Variants in PCDH15 observed in about 807,000 individuals in gnomAD.
PCDH15 encodes the protein protocadherin-15.
A neutral mutation model predicts 178.5 loss-of-function variants in PCDH15; 129 were observed. The ratio of observed to expected loss-of-function variants is 0.72; its 90% confidence interval spans 0.63 to 0.84. The LOEUF (loss-of-function observed/expected upper bound fraction) is 0.84, where lower values mean the gene tolerates loss of function less well. PCDH15 is among the 40% of genes least tolerant of loss of function. The pLI is 0.00. For missense variants in PCDH15, 2,230 were observed against 2,099.9 expected (o/e 1.06, Z -1.21); for synonymous variants, 800 against 732.0 (o/e 1.09, Z -1.50).
intron 2 of PCDH15, among the ~76,000 whole-genome samples, chr10:54,622,649 A>G (rs2093405852): frequency 1.0e-5 from 1 of 97,776 alleles, no homozygotes; most frequent in African/African-American, 4.5e-5. Flanking sequence ...ATAATTATAT[A>G]TATACTATAT....
chr10:54,814,152 C>T (rs1952912177), intron 3 of PCDH15, among the ~76,000 whole-genome samples: 1 of 152,118 alleles, frequency 6.6e-6, no homozygotes, highest in Non-Finnish European at 1.5e-5. Context: ...TATGTGTCAC[C>T]ATAACATTGT....
At chr10:54,145,090 CT>C (rs1341035092) in intron 14 of PCDH15, among the ~76,000 whole-genome samples, 5 of 152,012 alleles carry the variant, frequency 3.3e-5, no homozygotes, top group African/African-American at 1.2e-4. Flanking sequence ...GTGAATCAAA[CT>C]TCATCTATAA....
chr10:54,824,872 T>G (rs898764366), intron 3 of PCDH15, among the ~76,000 whole-genome samples: 1 of 152,242 alleles, frequency 6.6e-6, no homozygotes, highest in South Asian at 2.1e-4. Flanking sequence ...CTACTTCTTT[T>G]ATTTTTTATT....
At chr10:54,037,441 C>T (rs758652310) in intron 18 of PCDH15, among the ~76,000 whole-genome samples, 23 of 151,884 alleles carry the variant, frequency 1.5e-4, no homozygotes, top group Non-Finnish European at 2.8e-4. Context: ...TGAGACAAGA[C>T]CCTCTATCTG....
At position 54,114,604 on chromosome 10, in the gene PCDH15, A is replaced by G. The variant is rs529427991; in HGVS notation, c.1917+18271T>C. Among the ~76,000 whole-genome samples the G allele has an allele frequency of 5.3e-5, 8 of 152,332 alleles. No homozygotes were observed. The East Asian group carries it at 7.7e-4, about 15-fold the overall frequency. ...TATAACACAAAATAAGCACAAGTGC[A>G]TATAGGATTACAGCAAAGAGGATAA... On this transcript the variant is annotated intron_variant, in intron 15 of 37. Transcript: ENST00000644397.
chr10:54,682,667 C>T (rs897356172), intron 1 of PCDH15, among the ~76,000 whole-genome samples: 10 of 151,978 alleles, frequency 6.6e-5, no homozygotes, highest in African/African-American at 2.4e-4. Flanking sequence ...CTCAGAGAGC[C>T]CTTTATTTAT....
At chr10:55,178,780 C>T (rs1190629426) in intron 1 of PCDH15, among the ~76,000 whole-genome samples, 2 of 152,102 alleles carry the variant, frequency 1.3e-5, no homozygotes, top group Non-Finnish European at 2.9e-5. Flanking sequence ...CCTATGATTG[C>T]TGTTCTCACC....
intron 1 of PCDH15, among the ~76,000 whole-genome samples, chr10:54,689,804 T>C (rs968434576): frequency 2.6e-5 from 4 of 152,154 alleles, no homozygotes; most frequent in African/African-American, 9.7e-5. Flanking sequence ...GTGTGCTCTA[T>C]AAGACAAGTA....
chr10:54,245,569 A>G (rs2055839573), intron 8 of PCDH15, among the ~76,000 whole-genome samples: 1 of 152,148 alleles, frequency 6.6e-6, no homozygotes, highest in Non-Finnish European at 1.5e-5. Flanking sequence ...TGAGAAAAAC[A>G]CATGTATTAG....
intron 14 of PCDH15, among the ~76,000 whole-genome samples, chr10:54,149,784 T>C (rs1427824266): frequency 6.6e-6 from 1 of 152,134 alleles, no homozygotes; most frequent in Non-Finnish European, 1.5e-5. Flanking sequence ...ACAGGAAGAC[T>C]TGTAATTGGA....
chr10:55,404,387 C>T (rs1302256809), intron 2 of PCDH15, among the ~76,000 whole-genome samples: 1 of 152,018 alleles, frequency 6.6e-6, no homozygotes, highest in African/African-American at 2.4e-5. Flanking sequence ...CCTGTGACAG[C>T]GCTTAGGATT....
rs5785104 is a variant in PCDH15, at chr10:54,963,335, G to GTTT, written c.-79-65838_-79-65836dup. ...TATCTGCTTAACTGACATAAAATGT[G>GTTT]TTTTTTTTTTTTTACTATTTTAATG... On this transcript the variant is annotated intron_variant, in intron 2 of 5. Transcript: ENST00000458638. 8.1e-5 allele frequency among the ~76,000 whole-genome samples: 12 copies of GTTT among 148,554 alleles called. 1 individual carries two copies. The East Asian group carries it at 2.2e-3, about 27-fold the overall frequency.
chr10:53,851,684 A>C (rs1288379956), intron 28 of PCDH15, among the ~76,000 whole-genome samples: 9 of 22,194 alleles, frequency 4.1e-4, no homozygotes, highest in African/African-American at 1.8e-3. Context: ...ATATATATAT[A>C]TATATATATA....
chr10:55,345,430 C>T (rs1203136721), intron 2 of PCDH15, among the ~76,000 whole-genome samples: 2 of 151,852 alleles, frequency 1.3e-5, no homozygotes, highest in Non-Finnish European at 2.9e-5. Flanking sequence ...GAAAGGTGAA[C>T]CACTTTACTG....
intron 14 of PCDH15, among the ~76,000 whole-genome samples, chr10:54,139,119 G>A (rs1425912363): frequency 6.6e-6 from 1 of 152,078 alleles, no homozygotes; most frequent in East Asian, 1.9e-4. Flanking sequence ...GAGGTGTCAT[G>A]GTTTGGCATA....
intron 1 of PCDH15, among the ~76,000 whole-genome samples, chr10:54,772,914 A>G (rs1009975284): frequency 2.0e-5 from 3 of 152,164 alleles, no homozygotes; most frequent in African/African-American, 7.2e-5. Flanking sequence ...GTACATAAAT[A>G]CCATAGAATA....
chr10:54,452,339 T>G (rs952268026), intron 3 of PCDH15: 17 of 152,074 alleles, frequency 1.1e-4, no homozygotes, highest in African/African-American at 4.1e-4. Flanking sequence ...TTTCTTTCTC[T>G]ATTCAACAAA....
intron 2 of PCDH15, among the ~76,000 whole-genome samples, chr10:55,433,804 G>A (rs914201248): frequency 4.6e-5 from 7 of 151,574 alleles, no homozygotes; most frequent in African/African-American, 1.5e-4. Flanking sequence ...ATGTATCTTC[G>A]TGCCTGGTGT....
rs762646793 is a variant in PCDH15, at chr10:53,807,139, A to ATAAAC, written c.4672-14_4672-10dup. 3 of 1,568,668 alleles carry ATAAAC rather than the reference A, an allele frequency of 1.9e-6. No individual in the cohort carries two copies. The highest frequency in any genetic ancestry group is 1.7e-6 in the Non-Finnish European group (2 of 1,159,822). ...ATTCTTTTTCTTGCCCACTGATAAA[A>ATAAAC]TAAACAAAAATATGTGAGTCACTAT... On this transcript the variant is annotated splice_polypyrimidine_tract_variant and intron_variant, in intron 37 of 37. Transcript: ENST00000644397.
Sources: gnomAD v4.1 joint callset for allele counts (sites outside exome capture counted in the v4.1 genomes callset) on GRCh38, gnomAD v4.1.1 for gene constraint, MANE v1.5 for transcripts, NCBI Gene and HGNC (gene_info 2026-07-23, HGNC 2026-07-21) for gene names.